The following COL17A1 variants were observed in gnomAD, a reference collection of about 807,000 sequenced individuals.
COL17A1 encodes the protein collagen alpha-1(XVII) chain.
COL17A1 carries 181 observed loss-of-function variants against 218.4 expected under a neutral mutation model. That is an observed-to-expected ratio of 0.83 (90% CI 0.73 to 0.94). The LOEUF (loss-of-function observed/expected upper bound fraction) is 0.94. COL17A1 is among the 40% of genes least tolerant of loss of function. The probability of loss-of-function intolerance (pLI) is 0.00; values close to 1 mark genes in which losing one functional copy is unlikely to be tolerated. For synonymous variants in COL17A1, 721 were observed against 731.0 expected (o/e 0.99, Z 0.22); for missense variants, 1,924 against 1,945.9 (o/e 0.99, Z 0.21).
intron 15 of COL17A1, 171 bp downstream of exon 15, chr10:104,059,467 A>T: frequency 7.4e-6 from 5 of 674,256 alleles, no homozygotes; most frequent in Non-Finnish European, 1.1e-5. Flanking sequence ...GCAGCTTCTG[A>T]CTCAGCAGAT....
intron 33 of COL17A1, among the ~76,000 whole-genome samples, chr10:104,045,169 CTG>C (rs1382458609): frequency 3.3e-5 from 5 of 152,186 alleles, no homozygotes; most frequent in African/African-American, 1.2e-4. Context: ...AAGAGGGTCA[CTG>C]TGTGCATGGG....
At chr10:104,049,341 A>C in intron 29 of COL17A1, 68 bp downstream of exon 29, 4 of 1,435,230 alleles carry the variant, frequency 2.8e-6, no homozygotes, top group Non-Finnish European at 3.9e-6. Flanking sequence ...TAGAAGACGG[A>C]TCTCTCCAGG....
chr10:104,057,003 C>T lies in COL17A1; in HGVS notation c.1437G>A (p.Leu479=). The change falls in exon 17 of 56, where the codon CTG becomes CTA. Residue 479 remains leucine, a synonymous_variant. Transcript: ENST00000648076. ...LGLLLTWLLL[L]GLLFGLIALA... ...GAGCAATGAGGCCGAAGAGCAGCCC[C>T]AGGAGTAGCAGCCAGGTGAGCAGCA... The T allele has an allele frequency of 1.3e-6, 2 of 1,588,008 alleles. No individual in the cohort carries two copies.
chr10:104,066,799 A>C (rs1006155105), intron 9 of COL17A1, among the ~76,000 whole-genome samples: 111 of 152,352 alleles, frequency 7.3e-4, no homozygotes, highest in African/African-American at 2.4e-3. Flanking sequence ...TGTAAGAAGG[A>C]CATTGAGAAT....
chr10:104,047,863 G>T, intron 30 of COL17A1, 53 bp from the exon 31 acceptor site: 1 of 1,504,668 alleles, frequency 6.6e-7, no homozygotes, highest in East Asian at 2.3e-5. Flanking sequence ...AAGCTAAACT[G>T]GTTATCACAT....
At chr10:104,065,400 C>G (rs934603036) in intron 9 of COL17A1, among the ~76,000 whole-genome samples, 1 of 152,208 alleles carries the variant, frequency 6.6e-6, no homozygotes, top group East Asian at 1.9e-4. Flanking sequence ...CTGCCTTCCA[C>G]AGAACCTATC....
intron 29 of COL17A1, 184 bp from the exon 30 acceptor site, chr10:104,048,288 C>G: frequency 7.9e-6 from 6 of 761,720 alleles, no homozygotes; most frequent in Non-Finnish European, 1.5e-5. Context: ...TCTCCTAAAC[C>G]AGCAATTGTC....
intron 11 of COL17A1, among the ~76,000 whole-genome samples, 187 bp from the exon 12 acceptor site, chr10:104,062,516 G>A (rs746463708): frequency 3.9e-5 from 6 of 152,136 alleles, no homozygotes; most frequent in Non-Finnish European, 8.8e-5. Flanking sequence ...ACCTACCCCA[G>A]GCCAAATATT....
At chr10:104,074,025 G>T in intron 6 of COL17A1, 159 bp downstream of exon 6, 1 of 1,117,718 alleles carries the variant, frequency 8.9e-7, no homozygotes, top group Non-Finnish European at 1.3e-6. Flanking sequence ...ATATGCTTCA[G>T]GATAAAAAGC....
At chr10:104,045,942 G>C (rs552175574) in intron 32 of COL17A1, 149 bp from the exon 33 acceptor site, 23 of 730,074 alleles carry the variant, frequency 3.2e-5, no homozygotes, top group Middle Eastern at 3.6e-4. Flanking sequence ...CCTTAGTCTA[G>C]ACAACCCCGG....
At chr10:104,071,489 C>T (rs1184425634) in intron 8 of COL17A1, among the ~76,000 whole-genome samples, 1 of 152,214 alleles carries the variant, frequency 6.6e-6, no homozygotes, top group African/African-American at 2.4e-5. Flanking sequence ...AGGTATCTAA[C>T]ATATTCCATC....
chr10:104,058,947 CA>C (rs957506200), intron 15 of COL17A1, among the ~76,000 whole-genome samples: 1 of 143,068 alleles, frequency 7.0e-6, no homozygotes, highest in African/African-American at 2.5e-5. Flanking sequence ...AAAAAAAAAA[CA>C]AAAAAAGAAA....
rs1399324558 is a variant in COL17A1, at chr10:104,055,839, T to G, written c.1630A>C (p.Ser544Arg). Reference sequence around the variant, plus strand: ...ACGAACATCCAGAGCTCCTCCTGGCTGTCACTGTGCAGCCCAATTTTGTCC... The same window carrying G: ...ACGAACATCCAGAGCTCCTCCTGGCGGTCACTGTGCAGCCCAATTTTGTCC... ...DLDKIGLHSD[S>R]QEELWMFVRK... is the part of the protein sequence containing the mutation. Residue 544 changes from serine (S) to arginine (R), a missense_variant, in exon 18 of 56, where the codon AGC becomes CGC. Physicochemically the swap from Ser to Arg is moderately radical, Grantham distance 110. Transcript: ENST00000648076. 1.2e-6 allele frequency: 2 copies of G among 1,614,260 alleles called. No homozygotes were observed. Among genetic ancestry groups the G allele is most frequent in the Admixed American group, 3.3e-5 (2 of 60,032 alleles).
intron 2 of COL17A1, among the ~76,000 whole-genome samples, chr10:104,079,710 G>A (rs551803718): frequency 6.6e-6 from 1 of 152,228 alleles, no homozygotes; most frequent in South Asian, 2.1e-4. Flanking sequence ...GGCAGATCAC[G>A]AGGTCAGGAG....
At position 104,055,008 on chromosome 10, in the gene COL17A1, C is replaced by T; in HGVS notation, c.1718-1G>A. 1.2e-6 allele frequency: 2 copies of T among 1,614,056 alleles called. No individual in the cohort carries two copies. The highest frequency in any genetic ancestry group is 1.7e-6 in the Non-Finnish European group (2 of 1,180,002). ...TTAGGGCCTGGACTTCCCATGTCAC[C>T]TGAAACCAGAAAGATATGAAAACTG... is the stretch of plus-strand genomic sequence containing the variant. On this transcript the variant is annotated splice_acceptor_variant, in intron 19 of 55. Transcript: ENST00000648076. LOFTEE classifies it high-confidence loss of function.
At chr10:104,053,277 G>T in intron 22 of COL17A1, 142 bp from the exon 23 acceptor site, 1 of 895,888 alleles carries the variant, frequency 1.1e-6, no homozygotes, top group African/African-American at 1.7e-5. Context: ...CCATAGCCTT[G>T]GCTCAACCTG....
chr10:104,070,603 C>T (rs1259070394), intron 8 of COL17A1, 34 bp from the exon 9 acceptor site: 1 of 1,614,058 alleles, frequency 6.2e-7, no homozygotes, highest in Non-Finnish European at 8.5e-7. Context: ...TCTGTTAAGT[C>T]CAGAGTTCTT....
chr10:104,079,054 A>G (rs549119793), intron 2 of COL17A1, among the ~76,000 whole-genome samples: 1 of 152,312 alleles, frequency 6.6e-6, no homozygotes, highest in East Asian at 1.9e-4. Flanking sequence ...TAAGAACATT[A>G]TGTTTCGTTC....
chr10:104,039,583 G>C (rs770874104), intron 42 of COL17A1, 25 bp downstream of exon 42: 3 of 1,614,092 alleles, frequency 1.9e-6, no homozygotes, highest in Non-Finnish European at 2.5e-6. Context: ...GCCAGAGCCA[G>C]AATGGGGCGG....
Sources: gnomAD v4.1 joint callset for allele counts (sites outside exome capture counted in the v4.1 genomes callset) on GRCh38, gnomAD v4.1.1 for gene constraint, MANE v1.5 for transcripts, NCBI Gene and HGNC (gene_info 2026-07-23, HGNC 2026-07-21) for gene names.